Variants in PACRG observed in about 807,000 individuals in gnomAD.
The protein encoded by PACRG is parkin coregulated.
Under a neutral mutation model 29.7 loss-of-function variants are expected in PACRG, and 29 were observed. The ratio of observed to expected loss-of-function variants is 0.98; its 90% confidence interval spans 0.73 to 1.33. PACRG has a LOEUF of 1.33. Among genes scored for constraint, PACRG ranks in the 40% most tolerant of loss-of-function variants. The probability of loss-of-function intolerance (pLI) is 0.00; values close to 1 mark genes in which losing one functional copy is unlikely to be tolerated. For synonymous variants in PACRG, 116 were observed against 118.7 expected, an observed-to-expected ratio of 0.98 and a Z score of 0.15; for missense variants, 279 against 316.2, an observed-to-expected ratio of 0.88 and a Z score of 0.89.
chr6:163,124,772 G>A (rs572116445), intron 4 of PACRG, among the ~76,000 whole-genome samples: 1 of 152,288 alleles, frequency 6.6e-6, no homozygotes, highest in South Asian at 2.1e-4. Context: ...CCGTACAGCT[G>A]GAGGGTGCAC....
rs188281915 is a variant in PACRG at position 163,214,890 on chromosome 6, G to A, written c.614-99937G>A. On this transcript the variant is annotated intron_variant, in intron 4 of 4. Coordinates refer to ENST00000366888, the MANE Select transcript of PACRG (RefSeq NM_001080379.2). Reference sequence around the variant, plus strand: ...GTATGTTTTAGCATTTTATCATTAAGCTTCATGCTGGCTTAAAAAAGAAAT... The same window carrying A: ...GTATGTTTTAGCATTTTATCATTAAACTTCATGCTGGCTTAAAAAAGAAAT... 5.3e-5 allele frequency among the ~76,000 whole-genome samples: 8 copies of A among 152,222 alleles called. No homozygotes were observed. The East Asian group carries it at 1.5e-3, about 29-fold the overall frequency.
At chr6:163,116,475 G>T (rs1463091862) in intron 4 of PACRG, among the ~76,000 whole-genome samples, 1 of 152,162 alleles carries the variant, frequency 6.6e-6, no homozygotes, top group Non-Finnish European at 1.5e-5. Flanking sequence ...ATGTGTCTGG[G>T]TGGAAGTGAG....
chr6:163,114,909 C>T (rs1295113879), intron 4 of PACRG, among the ~76,000 whole-genome samples: 1 of 151,162 alleles, frequency 6.6e-6, no homozygotes, highest in Non-Finnish European at 1.5e-5. Flanking sequence ...TGCTAATTAG[C>T]TTGATTATGA....
chr6:162,951,911 C>T (rs1414266454), intron 2 of PACRG, among the ~76,000 whole-genome samples: 1 of 152,172 alleles, frequency 6.6e-6, no homozygotes, highest in Non-Finnish European at 1.5e-5. Flanking sequence ...CTTTCCTGGT[C>T]TTAACCCATC....
intron 2 of PACRG, among the ~76,000 whole-genome samples, chr6:163,001,895 C>A (rs1804625106): frequency 6.6e-6 from 1 of 152,184 alleles, no homozygotes; most frequent in African/African-American, 2.4e-5. Flanking sequence ...AGAAAATTCA[C>A]TCATCCAAGA....
intron 4 of PACRG, among the ~76,000 whole-genome samples, chr6:163,270,539 T>A (rs1335763575): frequency 1.6e-4 from 3 of 18,706 alleles, no homozygotes; most frequent in Admixed American, 4.1e-4. Context: ...CCTGACTAAT[T>A]TTTTTTTTTA....
chr6:162,792,167 G>A (rs1377633735), intron 1 of PACRG, among the ~76,000 whole-genome samples: 1 of 152,044 alleles, frequency 6.6e-6, no homozygotes. Flanking sequence ...CTCAGCATAC[G>A]GTTGACAGAG....
chr6:163,067,924 C>T (rs1811698079), intron 3 of PACRG, among the ~76,000 whole-genome samples: 1 of 152,126 alleles, frequency 6.6e-6, no homozygotes, highest in Non-Finnish European at 1.5e-5. Context: ...TTATATACTT[C>T]CTAATTTTCT....
intron 2 of PACRG, among the ~76,000 whole-genome samples, chr6:162,955,731 T>C (rs1313572772): frequency 6.6e-6 from 1 of 152,246 alleles, no homozygotes; most frequent in Admixed American, 6.5e-5. Flanking sequence ...CTGAAGGCCC[T>C]TCTGATCCTA....
At chr6:163,204,162 A>G (rs538858780) in intron 4 of PACRG, among the ~76,000 whole-genome samples, 1 of 152,384 alleles carries the variant, frequency 6.6e-6, no homozygotes, top group South Asian at 2.1e-4. Context: ...ATTTATAGCC[A>G]TTCATGAACA....
chr6:162,946,343 A>C (rs566205329), intron 2 of PACRG, among the ~76,000 whole-genome samples: 36 of 152,238 alleles, frequency 2.4e-4, no homozygotes, highest in Non-Finnish European at 4.3e-4. Context: ...GCAAAAGATC[A>C]TCAGAAACTA....
intron 3 of PACRG, among the ~76,000 whole-genome samples, chr6:163,078,921 C>T (rs1812810421): frequency 6.6e-6 from 1 of 151,848 alleles, no homozygotes; most frequent in Non-Finnish European, 1.5e-5. Flanking sequence ...TTGAACATTT[C>T]TCATGAGCAC....
chr6:163,055,044 AG>A lies in PACRG; in HGVS notation c.292-7105del, dbSNP rs767961102. ...AAGGAGATTCAAGGATTAGACACAAAGAAAGTCACTGGTGACCTTGATAAAA... is the reference window on the plus strand; with the variant it reads ...AAGGAGATTCAAGGATTAGACACAAAAAAGTCACTGGTGACCTTGATAAAA... On this transcript the variant is annotated intron_variant, in intron 2 of 4. Coordinates refer to ENST00000366888, the MANE Select transcript of PACRG (RefSeq NM_001080379.2). This position sits in a 1 kb window ranked among gnomAD's most constrained non-coding sequence, Gnocchi z 4.0. Among the ~76,000 whole-genome samples the A allele has an allele frequency of 6.6e-6, 1 of 152,196 alleles. No homozygotes were observed. The highest frequency in any genetic ancestry group is 1.5e-5 in the Non-Finnish European group (1 of 68,032).
intron 1 of PACRG, among the ~76,000 whole-genome samples, chr6:162,757,793 T>C (rs1188504260): frequency 1.3e-5 from 2 of 152,088 alleles, no homozygotes; most frequent in African/African-American, 4.8e-5. Context: ...GCTTGACTAA[T>C]GCATAAAATA....
intron 4 of PACRG, among the ~76,000 whole-genome samples, chr6:163,157,278 A>C (rs1465904432): frequency 1.3e-5 from 2 of 152,182 alleles, no homozygotes; most frequent in African/African-American, 4.8e-5. Context: ...TGTGTCTACT[A>C]GTTCTGCTCT....
intron 2 of PACRG, among the ~76,000 whole-genome samples, chr6:162,967,668 G>A (rs188458008): frequency 0.011 from 1,599 of 151,932 alleles, 15 homozygotes; most frequent in Middle Eastern, 0.034. Context: ...CACCACGCCC[G>A]GCTAATTTTT....
At chr6:163,058,700 T>C (rs1810818057) in intron 2 of PACRG, among the ~76,000 whole-genome samples, 1 of 152,108 alleles carries the variant, frequency 6.6e-6, no homozygotes, top group African/African-American at 2.4e-5. Context: ...ATCGAGACCC[T>C]CCTGGCTAAC....
At chr6:163,033,077 G>A (rs558044567) in intron 2 of PACRG, among the ~76,000 whole-genome samples, 82 of 152,120 alleles carry the variant, frequency 5.4e-4, no homozygotes, top group Non-Finnish European at 1.1e-3. Flanking sequence ...CTTTAATCTA[G>A]GCCAAAAAAA....
At chr6:163,155,209 C>T (rs965726791) in intron 4 of PACRG, among the ~76,000 whole-genome samples, 10 of 152,152 alleles carry the variant, frequency 6.6e-5, no homozygotes, top group Non-Finnish European at 4.4e-5. Flanking sequence ...AGACCCTTCC[C>T]GAGCCCGCTT....
Sources: gnomAD v4.1 joint callset for allele counts (sites outside exome capture counted in the v4.1 genomes callset) on GRCh38, gnomAD v4.1.1 for gene constraint, Gnocchi (gnomAD v3.1) non-coding constraint, MANE v1.5 for transcripts, NCBI Gene and HGNC (gene_info 2026-07-23, HGNC 2026-07-21) for gene names.